Variants in GABRB3 observed in about 807,000 individuals in gnomAD.
GABRB3 encodes gamma-aminobutyric acid receptor subunit beta-3.
A neutral mutation model predicts 52.1 loss-of-function variants in GABRB3; 14 were observed. The ratio of observed to expected loss-of-function variants is 0.27; its 90% CI spans 0.18 to 0.42. The LOEUF (loss-of-function observed/expected upper bound fraction) is 0.42, where lower values mean the gene tolerates loss of function less well. Ranked by LOEUF, GABRB3 falls within the 10% of genes least tolerant of loss-of-function variation. The pLI is 1.00. For synonymous variants in GABRB3, 260 were observed against 232.3 expected (o/e 1.12, Z -1.08); for missense variants, 307 against 609.1 (o/e 0.50, Z 5.22).
At chr15:26,665,794 T>C (rs1313062669) in intron 3 of GABRB3, among the ~76,000 whole-genome samples, 2 of 152,204 alleles carry the variant, frequency 1.3e-5, no homozygotes, top group East Asian at 3.8e-4. Flanking sequence ...TTTTCTTTTC[T>C]TTTAAAGGTG....
rs181873071 is a variant in GABRB3 at position 26,660,900 on chromosome 15, G to A, written c.241-39366C>T. On this transcript the variant is annotated intron_variant, in intron 3 of 8. Transcript: ENST00000311550. ...GTCGCCCAGGGTGAAGTGCAGTAGC[G>A]TGCACTCATGGCTCACTGCATCCTG... Among the ~76,000 whole-genome samples, 254 of 152,272 alleles carry A rather than the reference G, an allele frequency of 1.7e-3. 1 individual carries two copies. The highest frequency in any genetic ancestry group is 5.7e-3 in the African/African-American group (235 of 41,542).
intron 3 of GABRB3, among the ~76,000 whole-genome samples, chr15:26,627,529 A>G (rs1038079754): frequency 6.6e-6 from 1 of 151,782 alleles, no homozygotes; most frequent in Non-Finnish European, 1.5e-5. Flanking sequence ...GGAGGTCAAA[A>G]TATCAACACC....
At chr15:26,722,669 C>T (rs543811692) in intron 3 of GABRB3, among the ~76,000 whole-genome samples, 2 of 152,204 alleles carry the variant, frequency 1.3e-5, no homozygotes, top group Non-Finnish European at 2.9e-5. Flanking sequence ...GATAGGGAAA[C>T]CAAGGCCCAA....
chr15:26,765,136 A>AAAAT (rs1890961661), intron 3 of GABRB3, among the ~76,000 whole-genome samples: 1 of 151,556 alleles, frequency 6.6e-6, no homozygotes, highest in Non-Finnish European at 1.5e-5. Context: ...ACTCAAAAAA[A>AAAAT]AAAAAAAAAG....
chr15:26,587,568 G>A (rs148087829), intron 4 of GABRB3, among the ~76,000 whole-genome samples: 153 of 152,206 alleles, frequency 1.0e-3, no homozygotes, highest in Non-Finnish European at 1.1e-3. Flanking sequence ...TGAGTGAATC[G>A]ACCCTGGGAT....
chr15:26,639,054 A>G (rs890355304), intron 3 of GABRB3, among the ~76,000 whole-genome samples: 2 of 152,192 alleles, frequency 1.3e-5, no homozygotes, highest in Non-Finnish European at 2.9e-5. Flanking sequence ...AACACCTGAC[A>G]TGACAGCAAG....
chr15:26,641,893 C>CTTT (rs1052165668), intron 3 of GABRB3, among the ~76,000 whole-genome samples: 7 of 144,808 alleles, frequency 4.8e-5, no homozygotes, highest in Non-Finnish European at 9.1e-5. Context: ...TCTTCTCTTT[C>CTTT]TTTTTTTTTT....
intron 3 of GABRB3, among the ~76,000 whole-genome samples, chr15:26,758,815 C>T (rs1402927685): frequency 6.6e-6 from 1 of 152,134 alleles, no homozygotes; most frequent in South Asian, 2.1e-4. Context: ...ATATGTGACA[C>T]CACCATTGTA....
chr15:26,757,086 C>T (rs1487830826), intron 3 of GABRB3, among the ~76,000 whole-genome samples: 2 of 152,172 alleles, frequency 1.3e-5, no homozygotes, highest in African/African-American at 2.4e-5. Context: ...TATATATCTA[C>T]CTTCTGATGA....
intron 3 of GABRB3, among the ~76,000 whole-genome samples, chr15:26,628,579 G>A (rs1892797138): frequency 6.6e-6 from 1 of 152,226 alleles, no homozygotes; most frequent in South Asian, 2.1e-4. Flanking sequence ...GCTATGTGAA[G>A]GGAAGGGCGG....
intron 3 of GABRB3, among the ~76,000 whole-genome samples, chr15:26,676,333 TG>T (rs1450193741): frequency 1.3e-5 from 2 of 152,128 alleles, no homozygotes; most frequent in Admixed American, 1.3e-4. Flanking sequence ...GCCAAGTCCC[TG>T]GGGGTGGAAG....
chr15:26,739,078 G>A (rs1429824939), intron 3 of GABRB3, among the ~76,000 whole-genome samples: 1 of 152,100 alleles, frequency 6.6e-6, no homozygotes. Context: ...GGGACACCGT[G>A]GCCCGCAGTG....
chr15:26,670,401 C>T (rs931302137), intron 3 of GABRB3, among the ~76,000 whole-genome samples: 1 of 152,220 alleles, frequency 6.6e-6, no homozygotes, highest in African/African-American at 2.4e-5. Flanking sequence ...GCAGGTCTGA[C>T]GACAGCAGGG....
At chr15:26,554,176 GTATATATATATAT>G (rs1889646100) in intron 8 of GABRB3, among the ~76,000 whole-genome samples, 1 of 27,334 alleles carries the variant, frequency 3.7e-5, no homozygotes, top group East Asian at 7.2e-4. Flanking sequence ...TATATATAAA[GTATATATATATAT>G]ACTATATATA....
intron 7 of GABRB3, 109 bp from the exon 8 acceptor site, chr15:26,561,285 G>T: frequency 2.0e-6 from 3 of 1,468,698 alleles, no homozygotes; most frequent in Admixed American, 1.7e-5. Context: ...AGAGATAAGG[G>T]GTTGAATACT....
intron 2 of GABRB3, 72 bp downstream of exon 2, chr15:26,772,609 C>T: frequency 6.9e-7 from 1 of 1,447,460 alleles, no homozygotes; most frequent in Non-Finnish European, 9.3e-7. Flanking sequence ...GATGCGGCCC[C>T]CGCCTCCCTC....
At chr15:26,723,966 A>C (rs901344586) in intron 3 of GABRB3, among the ~76,000 whole-genome samples, 2 of 152,194 alleles carry the variant, frequency 1.3e-5, no homozygotes, top group African/African-American at 4.8e-5. Flanking sequence ...AGGAATGGGC[A>C]CATTCCTCAG....
At chr15:26,566,524 A>C (rs1372364587) in intron 7 of GABRB3, among the ~76,000 whole-genome samples, 1 of 152,170 alleles carries the variant, frequency 6.6e-6, no homozygotes, top group Admixed American at 6.5e-5. Context: ...CCAAGAGTTC[A>C]AGACCAGTCT....
At position 26,688,573 on chromosome 15, in the gene GABRB3, G is replaced by A. The variant is rs534093772; in HGVS notation, c.241-67039C>T. Among the ~76,000 whole-genome samples the A allele has an allele frequency of 2.0e-5, 3 of 152,306 alleles. No individual in the cohort carries two copies. In the East Asian group the frequency reaches 5.8e-4, roughly 29 times the overall value. ...GAATCAATAAAAATGAGAGCCATAG[G>A]TGTGTCACCGATGCTATTTGTGGAG... On this transcript the variant is annotated intron_variant, in intron 3 of 8. Coordinates refer to ENST00000311550, the MANE Select transcript of GABRB3 (RefSeq NM_000814.6).
Sources: allele counts gnomAD v4.1 joint callset (sites outside exome capture counted in the v4.1 genomes callset), GRCh38; gene constraint gnomAD v4.1.1; transcripts MANE v1.5; gene names NCBI Gene and HGNC (gene_info 2026-07-23, HGNC 2026-07-21).